Variants in KANSL2 observed in about 807,000 individuals in gnomAD.
KANSL2 encodes the protein KAT8 regulatory NSL complex subunit 2, also known as NSL complex protein NSL2.
Under a neutral mutation model 55.6 loss-of-function variants are expected in KANSL2, and 34 were observed. The observed-to-expected ratio is 0.61, with a 90% CI of 0.46 to 0.81. The LOEUF is 0.81. Among genes scored for constraint, KANSL2 ranks in the 40% least tolerant of loss-of-function variants. The pLI, the probability that KANSL2 is intolerant of heterozygous loss-of-function variation, is 0.00. For synonymous variants in KANSL2, 209 were observed against 214.3 expected, an observed-to-expected ratio of 0.98 and a Z score of 0.22; for missense variants, 502 against 609.9, an observed-to-expected ratio of 0.82 and a Z score of 1.86.
At chr12:48,669,066 A>C in intron 6 of KANSL2, 40 bp downstream of exon 6, 2 of 1,408,032 alleles carry the variant, frequency 1.4e-6, no homozygotes, top group South Asian at 3.0e-5. Context: ...ACAATAAATA[A>C]AGTGAACGTA....
intron 8 of KANSL2, chr12:48,656,551 C>T (rs1008900030): frequency 1.4e-5 from 5 of 357,234 alleles, no homozygotes; most frequent in South Asian, 1.1e-4. Context: ...GGATTACAGG[C>T]ATGAGCCACC....
chr12:48,662,547 AT>A lies in KANSL2; in HGVS notation c.974-1929del, dbSNP rs773431529. 45 of 1,262,852 alleles carry A rather than the reference AT, an allele frequency of 3.6e-5. No homozygotes were observed. The South Asian group carries it at 4.8e-4, about 14-fold the overall frequency. 78.2% of individuals were successfully genotyped at this position (1,262,852 alleles called of 1,614,324 possible). The stretch of plus-strand genomic sequence containing the variant: ...GGGCAAAAGAGGTAAAAAGAAGGGA[AT>A]GGTTAACCTACAACTAGAGTCTGGG... On this transcript the variant is annotated intron_variant, in intron 7 of 9. Coordinates refer to ENST00000420613, the MANE Select transcript of KANSL2 (RefSeq NM_017822.4).
chr12:48,668,868 C>A (rs1264845129), intron 6 of KANSL2, among the ~76,000 whole-genome samples: 1 of 151,896 alleles, frequency 6.6e-6, no homozygotes, highest in African/African-American at 2.4e-5. Context: ...AGTGAAACCC[C>A]AAAAAATACA....
intron 8 of KANSL2, chr12:48,656,732 C>T (rs1352703661): frequency 1.9e-6 from 1 of 518,770 alleles, no homozygotes; most frequent in African/African-American, 1.9e-5. Flanking sequence ...CTCTTAGCTC[C>T]TGTTTGAAAC....
chr12:48,659,231 C>T (rs1939445751), intron 8 of KANSL2, among the ~76,000 whole-genome samples: 1 of 151,848 alleles, frequency 6.6e-6, no homozygotes, highest in Admixed American at 6.6e-5. Context: ...AAGGCAGAGG[C>T]TGCAGTGAGC....
chr12:48,670,125 C>T (rs776631969), intron 5 of KANSL2, among the ~76,000 whole-genome samples: 2 of 148,674 alleles, frequency 1.3e-5, no homozygotes, highest in African/African-American at 2.5e-5. Flanking sequence ...CGCTTGAACC[C>T]GGGAGGTGGA....
rs1939354295 is a variant in KANSL2, at chr12:48,655,206, C to T, written c.1228-146G>A. 15 of 686,958 alleles carry T rather than the reference C, an allele frequency of 2.2e-5. No individual in the cohort carries two copies. The South Asian group carries it at 2.7e-4, about 12-fold the overall frequency. 42.6% of individuals were successfully genotyped at this position (686,958 alleles called of 1,614,324 possible). ...TAAAAAAAAAATTTTACAAGAGCGT[C>T]CAACAAATGAAACAAGATCCAAAAG... On this transcript the variant is annotated intron_variant, in intron 8 of 9. Coordinates refer to ENST00000420613, the MANE Select transcript of KANSL2 (RefSeq NM_017822.4).
chr12:48,681,527 A>G lies in KANSL2; in HGVS notation c.106T>C (p.Ser36Pro), dbSNP rs1939925517. The change falls in exon 2 of 10, where the codon TCT (serine) becomes CCT (proline). Residue 36 changes from serine to proline, a missense_variant. Transcript: ENST00000420613. ...LSCAFTHRPCSHPRLEGQEFC... is the reference protein window; with the variant it reads ...LSCAFTHRPCPHPRLEGQEFC... The stretch of plus-strand genomic sequence containing the variant: ...TCCTGCCCCTCCAGACGAGGGTGAG[A>G]GCATGGACGATGAGTGAATGCACAA... The G allele has an allele frequency of 6.2e-7, 1 of 1,613,834 alleles. No homozygotes were observed. Among genetic ancestry groups the G allele is most frequent in the Non-Finnish European group, 8.5e-7 (1 of 1,179,890 alleles).
intron 8 of KANSL2, chr12:48,656,651 T>C (rs1469674332): frequency 4.1e-6 from 2 of 490,850 alleles, no homozygotes; most frequent in Non-Finnish European, 8.0e-6. Context: ...TTCTAGACTA[T>C]GTTTCTTCCA....
intron 4 of KANSL2, among the ~76,000 whole-genome samples, chr12:48,678,343 A>C (rs865876150): frequency 6.6e-6 from 1 of 152,218 alleles, no homozygotes; most frequent in Non-Finnish European, 1.5e-5. Flanking sequence ...TGAAGAGCAG[A>C]AGCTTACTAA....
intron 8 of KANSL2, chr12:48,656,855 T>A (rs777169573): frequency 2.3e-6 from 1 of 425,898 alleles, no homozygotes; most frequent in Non-Finnish European, 4.6e-6. Flanking sequence ...GGTGCTAAAT[T>A]CTCCTTCTTC....
At chr12:48,676,085 T>C (rs1443421755) in intron 4 of KANSL2, among the ~76,000 whole-genome samples, 1 of 152,030 alleles carries the variant, frequency 6.6e-6, no homozygotes, top group African/African-American at 2.4e-5. Context: ...TTCTTAAGTA[T>C]TAGATGTTGT....
chr12:48,661,424 A>T (rs986623733), intron 7 of KANSL2, among the ~76,000 whole-genome samples: 1 of 152,218 alleles, frequency 6.6e-6, no homozygotes, highest in African/African-American at 2.4e-5. Flanking sequence ...GATACAATAA[A>T]ATTCAAGTTA....
intron 4 of KANSL2, among the ~76,000 whole-genome samples, chr12:48,674,138 C>CTTTA (rs1448944284): frequency 5.9e-5 from 9 of 151,892 alleles, no homozygotes; most frequent in African/African-American, 2.2e-4. Flanking sequence ...AAAAATTATG[C>CTTTA]TTTATTACTT....
rs765290125 is a variant in KANSL2 at position 48,679,671 on chromosome 12, T to A, written c.414A>T (p.Glu138Asp). ...GSQTPESSRS[E>D]ASRILDEDSW... ...GGTCCTTACCTAGTATTCGGCTGGC[T>A]TCACTGCGACTACTTTCTGGAGTCT... Residue 138 changes from glutamate (E) to aspartate (D), a missense_variant, in exon 3 of 10, where the codon GAA (glutamate) becomes GAT (aspartate). Coordinates refer to ENST00000420613, the MANE Select transcript of KANSL2 (RefSeq NM_017822.4). 2 of 1,613,674 alleles carry A rather than the reference T, an allele frequency of 1.2e-6. No individual in the cohort carries two copies. Among genetic ancestry groups the A allele is most frequent in the Admixed American group, 3.3e-5 (2 of 59,944 alleles).
At chr12:48,678,004 C>G (rs1291036628) in intron 4 of KANSL2, among the ~76,000 whole-genome samples, 2 of 152,074 alleles carry the variant, frequency 1.3e-5, no homozygotes, top group African/African-American at 2.4e-5. Context: ...GCCATACTAT[C>G]CGGAACATGC....
chr12:48,672,161 C>T lies in KANSL2; in HGVS notation c.546-199G>A, dbSNP rs185457010. Among the ~76,000 whole-genome samples, 302 of 152,028 alleles carry T rather than the reference C, an allele frequency of 2.0e-3. 1 individual carries two copies. The highest frequency in any genetic ancestry group is 7.0e-3 in the African/African-American group (292 of 41,476). ...AAAATCTCCAAGAAAGAATACTAAT[C>T]TGTGATTTCCCAAAATGGGGGAAGG... On this transcript the variant is annotated intron_variant, in intron 4 of 9. Transcript: ENST00000420613.
chr12:48,663,418 C>T (rs1160360639), intron 7 of KANSL2, among the ~76,000 whole-genome samples: 1 of 152,174 alleles, frequency 6.6e-6, no homozygotes, highest in South Asian at 2.1e-4. Context: ...AATATATGTA[C>T]AAATATCAAT....
chr12:48,677,434 G>A (rs1031682159), intron 4 of KANSL2, among the ~76,000 whole-genome samples: 5 of 152,068 alleles, frequency 3.3e-5, no homozygotes, highest in African/African-American at 1.2e-4. Flanking sequence ...TAACCCTAGA[G>A]AGCATACATC....
Sources: allele counts gnomAD v4.1 joint callset (sites outside exome capture counted in the v4.1 genomes callset), GRCh38; gene constraint gnomAD v4.1.1; transcripts MANE v1.5; gene names NCBI Gene and HGNC (gene_info 2026-07-23, HGNC 2026-07-21).